MUSK: variants seen among roughly 807,000 people sequenced by gnomAD.
The protein encoded by MUSK is muscle, skeletal receptor tyrosine-protein kinase.
Under a neutral mutation model 88.7 loss-of-function variants are expected in MUSK, and 55 were observed. The ratio of observed to expected loss-of-function variants is 0.62; its 90% CI spans 0.50 to 0.78. The LOEUF (loss-of-function observed/expected upper bound fraction) is 0.78. Ranked by LOEUF, MUSK falls within the 30% of genes least tolerant of loss-of-function variation. The probability of loss-of-function intolerance (pLI) is 0.00; values close to 1 mark genes in which losing one functional copy is unlikely to be tolerated. For missense variants in MUSK, 1,015 were observed against 1,074.3 expected (o/e 0.94, Z 0.77); for synonymous variants, 387 against 391.9 (o/e 0.99, Z 0.15).
At chr9:110,689,544 TA>T (rs1468196085) in intron 3 of MUSK, among the ~76,000 whole-genome samples, 1 of 106,986 alleles carries the variant, frequency 9.3e-6, no homozygotes, top group Non-Finnish European at 1.7e-5. Flanking sequence ...AATATATAGT[TA>T]TATATATTTA....
Position 110,695,520 on chromosome 9 carries a change from G to A in MUSK, c.476G>A (p.Ser159Asn). The A allele has an allele frequency of 6.4e-7, 1 of 1,558,246 alleles. No individual in the cohort carries two copies. Among genetic ancestry groups the A allele is most frequent in the Non-Finnish European group, 8.7e-7 (1 of 1,149,074 alleles). ...KPSVSWIKGD[S>N]PLRENSRIAV... ...TCAGTGTCTTGGATAAAGGGAGACA[G>A]CCCTCTCAGGGTAAGTGGTTATGAT... The change falls in exon 4 of 15, where the codon AGC becomes AAC. Residue 159 changes from serine (S) to asparagine (N), a missense_variant. Transcript: ENST00000374448.
At chr9:110,670,937 G>T (rs2075949067) in intron 1 of MUSK, among the ~76,000 whole-genome samples, 1 of 151,914 alleles carries the variant, frequency 6.6e-6, no homozygotes, top group Non-Finnish European at 1.5e-5. Flanking sequence ...GAATACATTG[G>T]TAGAAAAGAA....
At chr9:110,680,830 C>G (rs1046988452) in intron 1 of MUSK, among the ~76,000 whole-genome samples, 1 of 146,218 alleles carries the variant, frequency 6.8e-6, no homozygotes, top group Non-Finnish European at 1.5e-5. Context: ...TTATTTTTCT[C>G]AAACTCCTAT....
intron 1 of MUSK, among the ~76,000 whole-genome samples, chr9:110,681,101 A>T (rs867537269): frequency 5.3e-5 from 2 of 38,086 alleles, no homozygotes; most frequent in Admixed American, 4.8e-4. Flanking sequence ...ATATTATATA[A>T]TATATATTAT....
chr9:110,786,765 T>A (rs369450956), intron 13 of MUSK, among the ~76,000 whole-genome samples: 2 of 152,172 alleles, frequency 1.3e-5, no homozygotes, highest in African/African-American at 4.8e-5. Context: ...TTTGTGCGAA[T>A]TGGAATAAAA....
intron 5 of MUSK, among the ~76,000 whole-genome samples, chr9:110,723,612 C>G (rs191322056): frequency 6.6e-6 from 1 of 152,078 alleles, no homozygotes; most frequent in Non-Finnish European, 1.5e-5. Flanking sequence ...TATTAATCCT[C>G]CTATGCAATC....
chr9:110,689,996 T>TTATAAATATTATA (rs2076298042), intron 3 of MUSK, among the ~76,000 whole-genome samples: 4 of 11,706 alleles, frequency 3.4e-4, no homozygotes, highest in Non-Finnish European at 6.7e-4. Context: ...TATAATTATA[T>TTATAAATATTATA]ATTATATATT....
chr9:110,713,826 G>C (rs932082709), intron 5 of MUSK, among the ~76,000 whole-genome samples: 8 of 152,104 alleles, frequency 5.3e-5, no homozygotes, highest in Admixed American at 2.0e-4. Flanking sequence ...CTCGTTTAAC[G>C]CATGTCAGAG....
chr9:110,702,706 G>C (rs148593095), intron 5 of MUSK, among the ~76,000 whole-genome samples: 1 of 151,796 alleles, frequency 6.6e-6, no homozygotes, highest in Admixed American at 6.6e-5. Context: ...CAACCTGGGC[G>C]ACATGGCAAA....
In MUSK at chr9:110,681,044, TATATATTA is replaced by T. The variant is rs1564209471; in HGVS notation, c.80-1629_80-1622del. ...ATATTATATATTATATATTATATAA[TATATATTA>T]TATATTATATATATAATATTATATA... On this transcript the variant is annotated intron_variant, in intron 1 of 14. Transcript: ENST00000374448. 1.1e-3 allele frequency among the ~76,000 whole-genome samples: 24 copies of T among 22,706 alleles called. 1 individual carries two copies. Among genetic ancestry groups the T allele is most frequent in the African/African-American group, 2.9e-3 (8 of 2,712 alleles). 14.9% of individuals were successfully genotyped at this position (22,706 alleles called of 152,430 possible).
chr9:110,747,620 T>A, intron 6 of MUSK, 21 bp from the exon 7 acceptor site: 1 of 1,598,422 alleles, frequency 6.3e-7, no homozygotes, highest in Non-Finnish European at 8.6e-7. Context: ...TGAGTTCTTT[T>A]ATTTTCCTTT....
chr9:110,689,952 A>G (rs1211680186), intron 3 of MUSK, among the ~76,000 whole-genome samples: 1 of 92,400 alleles, frequency 1.1e-5, no homozygotes, highest in African/African-American at 4.6e-5. Context: ...ATATTTAAAT[A>G]TAAATATATA....
intron 7 of MUSK, among the ~76,000 whole-genome samples, chr9:110,750,728 A>AT (rs1463410784): frequency 6.6e-6 from 1 of 152,284 alleles, no homozygotes; most frequent in East Asian, 1.9e-4. Flanking sequence ...CAACCTTGTC[A>AT]TGCTACCATT....
chr9:110,695,447 G>A lies in MUSK; in HGVS notation c.403G>A (p.Gly135Arg), dbSNP rs1005462716. 1.3e-6 allele frequency: 2 copies of A among 1,541,046 alleles called. No individual in the cohort carries two copies. The highest frequency in any genetic ancestry group is 1.8e-6 in the Non-Finnish European group (2 of 1,133,964). Residue 135 changes from glycine to arginine, a missense_variant, in exon 4 of 15, where the codon GGA (glycine) becomes AGA (arginine). Physicochemically the swap from Gly to Arg is moderately radical, Grantham distance 125. Transcript: ENST00000374448. ...RPPINVKIIEGLKAVLPCTTM... is the reference protein window; with the variant it reads ...RPPINVKIIERLKAVLPCTTM... The stretch of plus-strand genomic sequence containing the variant: ...TCCCATAAATGTGAAAATAATAGAG[G>A]GATTAAAAGCAGTCCTACCATGTAC...
At chr9:110,754,491 C>CA (rs2077287353) in intron 7 of MUSK, among the ~76,000 whole-genome samples, 2 of 152,172 alleles carry the variant, frequency 1.3e-5, no homozygotes, top group African/African-American at 4.8e-5. Flanking sequence ...TACACCCCCA[C>CA]AAAAATAAAA....
chr9:110,741,411 G>T (rs2077096542), intron 6 of MUSK, among the ~76,000 whole-genome samples: 1 of 152,062 alleles, frequency 6.6e-6, no homozygotes, highest in African/African-American at 2.4e-5. Flanking sequence ...AGACTGATTG[G>T]CTGTAGCCCC....
intron 1 of MUSK, among the ~76,000 whole-genome samples, chr9:110,670,514 G>C (rs2075943658): frequency 6.6e-6 from 1 of 152,076 alleles, no homozygotes; most frequent in South Asian, 2.1e-4. Context: ...CTCTCTATCT[G>C]AATAAGTCTT....
chr9:110,785,161 C>A, intron 12 of MUSK, 145 bp downstream of exon 12: 1 of 747,442 alleles, frequency 1.3e-6, no homozygotes, highest in Non-Finnish European at 2.1e-6. Context: ...GCACCCCCAT[C>A]ATGATCTTTA....
Position 110,802,473 on chromosome 9 carries a change from T to C in MUSK, c.*1485T>C, listed in dbSNP as rs146124528. Among the ~76,000 whole-genome samples the C allele has an allele frequency of 1.4e-4, 21 of 152,314 alleles. No individual in the cohort carries two copies. The highest frequency in any genetic ancestry group is 9.6e-4 in the East Asian group (5 of 5,182). ...GAGGAATGGTGTGAATTCTTGAAAG[T>C]AGATTTTCGCTGTCTGCTGGAAAAC... On this transcript the variant is annotated 3_prime_UTR_variant, in exon 15 of 15. Transcript: ENST00000374448.
Sources: gnomAD v4.1 joint callset for allele counts (sites outside exome capture counted in the v4.1 genomes callset) on GRCh38, gnomAD v4.1.1 for gene constraint, MANE v1.5 for transcripts, NCBI Gene and HGNC (gene_info 2026-07-23, HGNC 2026-07-21) for gene names.